The following KCNB2 variants were observed in gnomAD, a reference collection of about 807,000 sequenced individuals.
The protein encoded by KCNB2 is delayed rectifier potassium channel protein.
KCNB2 carries 15 observed loss-of-function variants against 61.5 expected under a neutral mutation model. The observed-to-expected ratio is 0.24, with a 90% CI of 0.16 to 0.38. The LOEUF (loss-of-function observed/expected upper bound fraction) is 0.38. Ranked by LOEUF, KCNB2 falls within the 10% of genes least tolerant of loss-of-function variation. KCNB2 has a pLI of 1.00. For synonymous variants in KCNB2, 457 were observed against 446.0 expected (o/e 1.02, Z -0.31); for missense variants, 828 against 1,125.2 (o/e 0.74, Z 3.78).
At chr8:72,677,704 C>T (rs1265624588) in intron 2 of KCNB2, among the ~76,000 whole-genome samples, 1 of 152,108 alleles carries the variant, frequency 6.6e-6, no homozygotes, top group East Asian at 1.9e-4. Context: ...AACTCATTGG[C>T]CACTTTTTCT....
intron 2 of KCNB2, among the ~76,000 whole-genome samples, chr8:72,691,176 A>G (rs562535769): frequency 6.6e-6 from 1 of 152,328 alleles, no homozygotes; most frequent in East Asian, 1.9e-4. Flanking sequence ...GTCATTTTCT[A>G]TAATACTCTG....
intron 2 of KCNB2, among the ~76,000 whole-genome samples, chr8:72,668,917 T>TTG (rs1289380391): frequency 3.3e-5 from 5 of 151,444 alleles, no homozygotes; most frequent in South Asian, 2.1e-4. Flanking sequence ...TATTATATAT[T>TTG]TGTGTGTGTG....
intron 2 of KCNB2, among the ~76,000 whole-genome samples, chr8:72,753,860 A>C (rs1290868926): frequency 2.0e-5 from 3 of 152,168 alleles, no homozygotes; most frequent in Admixed American, 2.0e-4. Context: ...TTTCCTCTCT[A>C]GTCATCCAAC....
In KCNB2 at chr8:72,677,707, C is replaced by G. The variant is rs1207155146; in HGVS notation, c.579+109394C>G. 4.6e-5 allele frequency among the ~76,000 whole-genome samples: 7 copies of G among 152,160 alleles called. No individual in the cohort carries two copies. The East Asian group carries it at 1.3e-3, about 29-fold the overall frequency. ...TGTGCTTCTCATAACTCATTGGCCA[C>G]TTTTTCTTAGTCTCCTTTGATGGTT... On this transcript the variant is annotated intron_variant, in intron 2 of 2. Transcript: ENST00000523207.
At chr8:72,600,998 CAA>C (rs773297528) in intron 2 of KCNB2, among the ~76,000 whole-genome samples, 9 of 127,840 alleles carry the variant, frequency 7.0e-5, no homozygotes, top group Admixed American at 8.0e-5. Context: ...AAATAAAAGT[CAA>C]AAAAAAAAAA....
intron 2 of KCNB2, among the ~76,000 whole-genome samples, chr8:72,794,494 G>T (rs1333859647): frequency 1.4e-5 from 2 of 146,174 alleles, no homozygotes; most frequent in African/African-American, 5.0e-5. Context: ...GAACCCGGGA[G>T]ACAGAGGTTG....
At chr8:72,584,198 G>A (rs1184892602) in intron 2 of KCNB2, among the ~76,000 whole-genome samples, 1 of 151,820 alleles carries the variant, frequency 6.6e-6, no homozygotes, top group Admixed American at 6.6e-5. Flanking sequence ...TTTTTTAAGG[G>A]CATTTAAAGA....
chr8:72,730,766 C>T (rs1807726609), intron 2 of KCNB2, among the ~76,000 whole-genome samples: 1 of 152,192 alleles, frequency 6.6e-6, no homozygotes, highest in Admixed American at 6.5e-5. Context: ...AGAATCATAA[C>T]GTGTAATTAA....
chr8:72,642,974 A>G (rs1272749454), intron 2 of KCNB2, among the ~76,000 whole-genome samples: 1 of 152,162 alleles, frequency 6.6e-6, no homozygotes, highest in Non-Finnish European at 1.5e-5. Flanking sequence ...TAACTTTCAG[A>G]TAGATAGCTT....
intron 2 of KCNB2, among the ~76,000 whole-genome samples, chr8:72,670,922 A>T (rs1806553536): frequency 6.6e-6 from 1 of 152,110 alleles, no homozygotes; most frequent in East Asian, 1.9e-4. Context: ...TGAAGACTTA[A>T]TTTTCCAACT....
chr8:72,725,358 T>C (rs760871076), intron 2 of KCNB2, among the ~76,000 whole-genome samples: 12 of 151,666 alleles, frequency 7.9e-5, no homozygotes, highest in Non-Finnish European at 1.3e-4. Flanking sequence ...AGAAGAGTTG[T>C]AGTGTTAGGG....
intron 2 of KCNB2, among the ~76,000 whole-genome samples, chr8:72,929,567 A>T (rs1306083532): frequency 6.6e-6 from 1 of 152,212 alleles, no homozygotes; most frequent in South Asian, 2.1e-4. Context: ...TTTACTTTGG[A>T]CGTTCAACTA....
At position 72,705,917 on chromosome 8, in the gene KCNB2, C is replaced by A. The variant is rs976529195; in HGVS notation, c.579+137604C>A. ...GCTATGCAGGTTGTTCAGACAGGTT[C>A]AGACTTATAGAGACAAGAAGAGGAC... On this transcript the variant is annotated intron_variant, in intron 2 of 2. Coordinates refer to ENST00000523207, the MANE Select transcript of KCNB2 (RefSeq NM_004770.3). Among the ~76,000 whole-genome samples, 4 of 152,328 alleles carry A rather than the reference C, an allele frequency of 2.6e-5. No homozygotes were observed. The East Asian group carries it at 7.7e-4, about 29-fold the overall frequency.
intron 2 of KCNB2, among the ~76,000 whole-genome samples, chr8:72,804,596 C>A (rs899381195): frequency 6.6e-6 from 1 of 152,110 alleles, no homozygotes; most frequent in Non-Finnish European, 1.5e-5. Flanking sequence ...TCCATACCAC[C>A]CCAACTCCCC....
At chr8:72,823,139 T>C (rs1809538837) in intron 2 of KCNB2, among the ~76,000 whole-genome samples, 1 of 152,198 alleles carries the variant, frequency 6.6e-6, no homozygotes, top group African/African-American at 2.4e-5. Flanking sequence ...TCTGCTTTTA[T>C]CAACATGCTC....
chr8:72,561,762 G>T (rs7357391), intron 1 of KCNB2, among the ~76,000 whole-genome samples: 6,866 of 14,196 alleles, frequency 0.48, 1,339 homozygotes, highest in Admixed American at 0.53. Context: ...TATATATATG[G>T]ATATATATAT....
chr8:72,598,155 A>C (rs1807230040), intron 2 of KCNB2, among the ~76,000 whole-genome samples: 1 of 152,126 alleles, frequency 6.6e-6, no homozygotes, highest in Non-Finnish European at 1.5e-5. Context: ...AAAAAAAGAG[A>C]ATTTTAGACC....
chr8:72,871,803 G>A (rs1805622841), intron 2 of KCNB2, among the ~76,000 whole-genome samples: 1 of 152,150 alleles, frequency 6.6e-6, no homozygotes, highest in African/African-American at 2.4e-5. Context: ...TTAAATTTAC[G>A]TTGTTACCTT....
chr8:72,932,269 T>C (rs1423344287), intron 2 of KCNB2, among the ~76,000 whole-genome samples: 4 of 152,236 alleles, frequency 2.6e-5, no homozygotes, highest in Non-Finnish European at 1.5e-5. Flanking sequence ...ATATACCTTC[T>C]AAGCTATATG....
Sources: gnomAD v4.1 joint callset for allele counts (sites outside exome capture counted in the v4.1 genomes callset) on GRCh38, gnomAD v4.1.1 for gene constraint, MANE v1.5 for transcripts, NCBI Gene and HGNC (gene_info 2026-07-23, HGNC 2026-07-21) for gene names.